Variants in PCDH9 observed in about 807,000 individuals in gnomAD.
PCDH9 encodes protocadherin 9.
Under a neutral mutation model 70.6 loss-of-function variants are expected in PCDH9, and 24 were observed. That is an observed-to-expected ratio of 0.34 (90% CI 0.25 to 0.48). PCDH9 has a LOEUF of 0.48. PCDH9 is among the 20% of genes least tolerant of loss of function. PCDH9 has a pLI of 0.99. For missense variants in PCDH9, 1,281 were observed against 1,503.6 expected (o/e 0.85, Z 2.45); for synonymous variants, 562 against 558.5 (o/e 1.01, Z -0.09).
chr13:66,454,153 C>CT (rs79968640), intron 4 of PCDH9, among the ~76,000 whole-genome samples: 1 of 150,594 alleles, frequency 6.6e-6, no homozygotes. Flanking sequence ...TTGTTTTTTT[C>CT]TTTTTTTTTA....
chr13:66,883,316 T>C (rs2081952242), intron 3 of PCDH9, among the ~76,000 whole-genome samples: 1 of 152,184 alleles, frequency 6.6e-6, no homozygotes, highest in African/African-American at 2.4e-5. Flanking sequence ...TCATTTTTCA[T>C]TATGCTTACA....
chr13:67,015,671 T>C (rs1354767185), intron 2 of PCDH9, among the ~76,000 whole-genome samples: 1 of 152,158 alleles, frequency 6.6e-6, no homozygotes. Flanking sequence ...CTTAAAAACT[T>C]TGATGATTCT....
chr13:66,773,573 T>C (rs901917421), intron 3 of PCDH9, among the ~76,000 whole-genome samples: 9 of 150,132 alleles, frequency 6.0e-5, no homozygotes, highest in Non-Finnish European at 1.2e-4. Context: ...GAGCTTGCAG[T>C]GAGCCGAGAT....
chr13:66,597,438 T>A (rs1417558549), intron 4 of PCDH9, among the ~76,000 whole-genome samples: 1 of 151,458 alleles, frequency 6.6e-6, no homozygotes, highest in African/African-American at 2.4e-5. Context: ...GTATATACAG[T>A]CAAATGATCT....
At chr13:67,022,761 T>C (rs999509870) in intron 2 of PCDH9, among the ~76,000 whole-genome samples, 1 of 152,162 alleles carries the variant, frequency 6.6e-6, no homozygotes, top group African/African-American at 2.4e-5. Flanking sequence ...TGTGTGATAT[T>C]CTCTAAGTTT....
At chr13:67,102,770 T>C (rs2086460725) in intron 2 of PCDH9, among the ~76,000 whole-genome samples, 1 of 152,142 alleles carries the variant, frequency 6.6e-6, no homozygotes, top group Admixed American at 6.5e-5. Context: ...ACTGTACTTC[T>C]GAAAGAATAT....
chr13:66,965,411 A>G (rs2083414589), intron 2 of PCDH9, among the ~76,000 whole-genome samples: 1 of 152,004 alleles, frequency 6.6e-6, no homozygotes, highest in Non-Finnish European at 1.5e-5. Flanking sequence ...TAATTTATCC[A>G]ATTTTCATCT....
chr13:66,992,934 C>T lies in PCDH9; in HGVS notation c.3037-89329G>A, dbSNP rs191938087. Reference sequence around the variant, plus strand: ...AAAAAAAAAGATCCTGAATGGACTACATCTAAAATGTAAAATAGCAGCAAA... The same window carrying T: ...AAAAAAAAAGATCCTGAATGGACTATATCTAAAATGTAAAATAGCAGCAAA... On this transcript the variant is annotated intron_variant, in intron 2 of 4. Coordinates refer to ENST00000377865, the MANE Select transcript of PCDH9 (RefSeq NM_203487.3). Among the ~76,000 whole-genome samples the T allele has an allele frequency of 4.4e-3, 666 of 149,914 alleles. 1 individual carries two copies. Among genetic ancestry groups the T allele is most frequent in the Non-Finnish European group, 7.0e-3 (474 of 67,612 alleles).
At chr13:66,646,439 T>C (rs1311241446) in intron 3 of PCDH9, among the ~76,000 whole-genome samples, 1 of 152,216 alleles carries the variant, frequency 6.6e-6, no homozygotes, top group Non-Finnish European at 1.5e-5. Context: ...CTTATTTGAA[T>C]TGATATATCT....
intron 4 of PCDH9, among the ~76,000 whole-genome samples, chr13:66,564,485 G>T (rs1455664539): frequency 1.3e-5 from 2 of 152,002 alleles, no homozygotes; most frequent in African/African-American, 4.8e-5. Context: ...TCTTAATAAT[G>T]GCTTGGTAAA....
chr13:67,206,590 G>T lies in PCDH9; in HGVS notation c.3036+18815C>A, dbSNP rs544132900. 11 of 152,266 alleles carry T rather than the reference G, an allele frequency of 7.2e-5. No homozygotes were observed. In the East Asian group the frequency reaches 1.5e-3, roughly 21 times the overall value. 9.4% of individuals were successfully genotyped at this position (152,266 alleles called of 1,614,324 possible). Reference sequence around the variant, plus strand: ...AGTGGAAAACCTACTCTAGGAAAATGCTAAAATTGTATAAATAGTATTAAA... The same window carrying T: ...AGTGGAAAACCTACTCTAGGAAAATTCTAAAATTGTATAAATAGTATTAAA... On this transcript the variant is annotated intron_variant, in intron 2 of 4. Transcript: ENST00000377865.
At chr13:66,439,216 T>C (rs1957931005) in intron 4 of PCDH9, among the ~76,000 whole-genome samples, 1 of 152,192 alleles carries the variant, frequency 6.6e-6, no homozygotes, top group Non-Finnish European at 1.5e-5. Flanking sequence ...TTCACTTCTT[T>C]TAATTCGGCT....
chr13:66,807,488 C>T (rs934418451), intron 3 of PCDH9, among the ~76,000 whole-genome samples: 1 of 152,042 alleles, frequency 6.6e-6, no homozygotes, highest in Non-Finnish European at 1.5e-5. Context: ...AAGTTTCTAG[C>T]CCATTTTTGT....
In PCDH9 at chr13:66,313,628, C is replaced by T. The variant is rs77558622; in HGVS notation, c.3341-8600G>A. ...TGAAGCAATTTGCCTTTATACAATTCCACTGTTTCCTATTCCAGGGATATT... is the reference window on the plus strand; with the variant it reads ...TGAAGCAATTTGCCTTTATACAATTTCACTGTTTCCTATTCCAGGGATATT... On this transcript the variant is annotated intron_variant, in intron 4 of 4. Coordinates refer to ENST00000377865, the MANE Select transcript of PCDH9 (RefSeq NM_203487.3). 3.5e-3 allele frequency among the ~76,000 whole-genome samples: 537 copies of T among 152,284 alleles called. 12 individuals are homozygous for T. In the East Asian group the frequency reaches 0.056, roughly 16 times the overall value.
At chr13:66,668,954 A>G (rs1470560746) in intron 3 of PCDH9, among the ~76,000 whole-genome samples, 1 of 152,204 alleles carries the variant, frequency 6.6e-6, no homozygotes, top group Non-Finnish European at 1.5e-5. Flanking sequence ...CTAATTTGAT[A>G]GACCTAGAAT....
At chr13:66,498,908 C>A (rs17504580) in intron 4 of PCDH9, among the ~76,000 whole-genome samples, 3,039 of 151,182 alleles carry the variant, frequency 0.02, 49 homozygotes, top group South Asian at 0.049. Flanking sequence ...AATACAAGAC[C>A]AGAACAATTT....
At chr13:66,955,040 G>A (rs1054940595) in intron 2 of PCDH9, among the ~76,000 whole-genome samples, 4 of 152,178 alleles carry the variant, frequency 2.6e-5, no homozygotes, top group African/African-American at 9.7e-5. Flanking sequence ...TGGGATTACA[G>A]GCGTGAGCCA....
chr13:67,227,741 T>C lies in PCDH9; in HGVS notation c.700A>G (p.Ser234Gly). 1 of 1,613,966 alleles carries C rather than the reference T, an allele frequency of 6.2e-7. No homozygotes were observed. Among genetic ancestry groups the C allele is most frequent in the Non-Finnish European group, 8.5e-7 (1 of 1,179,798 alleles). ...ACTGTGACCTGCAGTATGGCCGTACTGGATTTCTGTGGAGTGCCTCCATCC... is the reference window on the plus strand; with the variant it reads ...ACTGTGACCTGCAGTATGGCCGTACCGGATTTCTGTGGAGTGCCTCCATCC... The part of the protein sequence containing the change: ...VEDGGTPQKS[S>G]TAILQVTVSD... Residue 234 changes from serine to glycine, a missense_variant, in exon 2 of 5, where the codon AGT (serine) becomes GGT (glycine). By Grantham distance (56) the Ser-to-Gly change is moderately conservative. Transcript: ENST00000377865. This position sits in a 1 kb window ranked among gnomAD's most constrained non-coding sequence, Gnocchi z 4.6.
intron 4 of PCDH9, among the ~76,000 whole-genome samples, chr13:66,445,762 T>C (rs1252418036): frequency 6.9e-6 from 1 of 145,756 alleles, no homozygotes; most frequent in Non-Finnish European, 1.5e-5. Flanking sequence ...ATATAATACA[T>C]ACACATATAT....
Sources: gnomAD v4.1 joint callset for allele counts (sites outside exome capture counted in the v4.1 genomes callset) on GRCh38, gnomAD v4.1.1 for gene constraint, Gnocchi (gnomAD v3.1) non-coding constraint, MANE v1.5 for transcripts, NCBI Gene and HGNC (gene_info 2026-07-23, HGNC 2026-07-21) for gene names.